ZNF804B: variants seen among roughly 807,000 people sequenced by gnomAD.
ZNF804B encodes the protein zinc finger protein 804B.
In ZNF804B, 80 loss-of-function variants were observed where a neutral mutation model predicts 101.4. That is an observed-to-expected ratio of 0.79 (90% CI 0.66 to 0.95). The LOEUF is 0.95. Ranked by LOEUF, ZNF804B falls within the 40% of genes least tolerant of loss-of-function variation. ZNF804B has a pLI of 0.00. For missense variants in ZNF804B, 1,673 were observed against 1,561.9 expected, an observed-to-expected ratio of 1.07 and a Z score of -1.20; for synonymous variants, 622 against 558.8, an observed-to-expected ratio of 1.11 and a Z score of -1.59.
At chr7:89,299,020 C>T (rs1195590266) in intron 2 of ZNF804B, among the ~76,000 whole-genome samples, 1 of 151,920 alleles carries the variant, frequency 6.6e-6, no homozygotes, top group Non-Finnish European at 1.5e-5. Context: ...TTCTCAGATA[C>T]CACACCTACT....
intron 2 of ZNF804B, among the ~76,000 whole-genome samples, chr7:89,239,175 G>A (rs1009949779): frequency 6.6e-6 from 1 of 152,082 alleles, no homozygotes; most frequent in Non-Finnish European, 1.5e-5. Context: ...TGAAACTGTA[G>A]GCATGATAAG....
chr7:89,304,302 T>A (rs984997434), intron 2 of ZNF804B, among the ~76,000 whole-genome samples: 3 of 151,852 alleles, frequency 2.0e-5, no homozygotes, highest in Non-Finnish European at 2.9e-5. Context: ...TCCTCCAGTA[T>A]TTTTCCATTA....
intron 1 of ZNF804B, among the ~76,000 whole-genome samples, chr7:88,950,757 A>T (rs1190532726): frequency 6.6e-6 from 1 of 151,868 alleles, no homozygotes; most frequent in African/African-American, 2.4e-5. Flanking sequence ...TAGATTATGT[A>T]TATAAAATCC....
chr7:89,328,462 G>A (rs1374121705), intron 3 of ZNF804B, among the ~76,000 whole-genome samples: 1 of 151,840 alleles, frequency 6.6e-6, no homozygotes, highest in Non-Finnish European at 1.5e-5. Context: ...GGTACAACAT[G>A]TAGCCAGAAG....
intron 1 of ZNF804B, among the ~76,000 whole-genome samples, chr7:88,823,012 C>T (rs769150597): frequency 6.6e-6 from 1 of 152,056 alleles, no homozygotes; most frequent in East Asian, 1.9e-4. Flanking sequence ...AGTTCAAGAC[C>T]AGCCTGGCCA....
At chr7:88,849,449 A>G (rs1240363666) in intron 1 of ZNF804B, among the ~76,000 whole-genome samples, 1 of 151,882 alleles carries the variant, frequency 6.6e-6, no homozygotes, top group Non-Finnish European at 1.5e-5. Context: ...GAGTAACAAG[A>G]TATGAATAAC....
In ZNF804B at chr7:89,336,561, A is replaced by G. The variant is rs754209568; in HGVS notation, c.3579A>G (p.Ser1193=). The G allele has an allele frequency of 1.2e-6, 2 of 1,614,078 alleles. No individual in the cohort carries two copies. The highest frequency in any genetic ancestry group is 1.1e-5 in the South Asian group (1 of 91,076). The change falls in exon 4 of 4, where the codon TCA becomes TCG. Residue 1193 remains serine (S), a synonymous_variant. Coordinates refer to ENST00000333190, the MANE Select transcript of ZNF804B (RefSeq NM_181646.5). The stretch of plus-strand genomic sequence containing the variant: ...GGCCTACTGCCTTCTCTCCGGCCTC[A>G]ACCGTACAGACAGTTCCAGTTCACC... ...AAGPTAFSPA[S]TVQTVPVHQH...
At chr7:89,092,440 T>A (rs1159170656) in intron 1 of ZNF804B, among the ~76,000 whole-genome samples, 1 of 113,756 alleles carries the variant, frequency 8.8e-6, no homozygotes, top group Non-Finnish European at 1.7e-5. Context: ...TGAGATGGAG[T>A]CTCACTCTCT....
intron 1 of ZNF804B, among the ~76,000 whole-genome samples, chr7:88,874,244 A>T (rs1233264565): frequency 1.3e-5 from 2 of 152,020 alleles, no homozygotes; most frequent in African/African-American, 4.8e-5. Flanking sequence ...TGTGAATGGG[A>T]GTTCACTCAT....
chr7:89,336,817 T>C lies in ZNF804B; in HGVS notation c.3835T>C (p.Ser1279Pro). Residue 1279 changes from serine (S) to proline (P), a missense_variant, in exon 4 of 4, where the codon TCT (serine) becomes CCT (proline). By Grantham distance (74) the Ser-to-Pro change is moderately conservative (BLOSUM62 -1). Coordinates refer to ENST00000333190, the MANE Select transcript of ZNF804B (RefSeq NM_181646.5). ...HLVAATPFHP[S>P]HITLQPLPPT... ...AGTAGCTGCTACCCCCTTCCACCCA[T>C]CTCACATAACACTTCAGCCTCTGCC... 6.2e-7 allele frequency: 1 copy of C among 1,614,054 alleles called. No individual in the cohort carries two copies. The highest frequency in any genetic ancestry group is 8.5e-7 in the Non-Finnish European group (1 of 1,179,990).
intron 1 of ZNF804B, among the ~76,000 whole-genome samples, chr7:89,137,052 TA>T (rs979034760): frequency 6.6e-6 from 1 of 152,028 alleles, no homozygotes; most frequent in African/African-American, 2.4e-5. Flanking sequence ...CATGGAACTA[TA>T]AGTCCAATTA....
chr7:88,896,136 T>C (rs1792279997), intron 1 of ZNF804B, among the ~76,000 whole-genome samples: 1 of 152,196 alleles, frequency 6.6e-6, no homozygotes, highest in South Asian at 2.1e-4. Flanking sequence ...CTGAGAATGA[T>C]TATCTCTCTG....
intron 1 of ZNF804B, among the ~76,000 whole-genome samples, chr7:89,171,285 G>GCTGCTT (rs1475416608): frequency 1.5e-5 from 1 of 64,638 alleles, no homozygotes; most frequent in Non-Finnish European, 3.8e-5. Context: ...TAATGCTGCT[G>GCTGCTT]CTGCTTCTTC....
At chr7:89,058,521 T>C (rs1789330102) in intron 1 of ZNF804B, among the ~76,000 whole-genome samples, 1 of 152,136 alleles carries the variant, frequency 6.6e-6, no homozygotes, top group Admixed American at 6.6e-5. Flanking sequence ...AAACACTCTG[T>C]TTTTATTTAG....
intron 1 of ZNF804B, among the ~76,000 whole-genome samples, chr7:88,990,378 A>G (rs1793828043): frequency 6.6e-6 from 1 of 152,104 alleles, no homozygotes; most frequent in Non-Finnish European, 1.5e-5. Context: ...AGATACACAC[A>G]CATACTTTCT....
chr7:89,193,775 G>C (rs918583938), intron 1 of ZNF804B, among the ~76,000 whole-genome samples: 2 of 151,818 alleles, frequency 1.3e-5, no homozygotes, highest in Non-Finnish European at 2.9e-5. Context: ...ATAAACATAC[G>C]TGTGCATGTG....
At chr7:89,286,635 A>T (rs1279196814) in intron 2 of ZNF804B, among the ~76,000 whole-genome samples, 1 of 152,194 alleles carries the variant, frequency 6.6e-6, no homozygotes, top group Non-Finnish European at 1.5e-5. Flanking sequence ...CAACTTGCTG[A>T]AGATGAATGC....
Position 89,336,576 on chromosome 7 carries a change from TC to T in ZNF804B, c.3596del (p.Pro1199GlnfsTer25). 6.2e-7 allele frequency: 1 copy of T among 1,614,102 alleles called. No individual in the cohort carries two copies. The highest frequency in any genetic ancestry group is 8.5e-7 in the Non-Finnish European group (1 of 1,179,996). On this transcript the variant is annotated frameshift_variant, in exon 4 of 4. Transcript: ENST00000333190. LOFTEE classifies it high-confidence loss of function. ...CTCCGGCCTCAACCGTACAGACAGT[TC>T]CAGTTCACCAGCACACTTCTATCAC... Reference protein sequence around the residue: ...FSPASTVQTVPVHQHTSITTI... With the variant: ...FSPASTVQTVXVHQHTSITTI...
At chr7:89,013,841 G>T (rs1298528046) in intron 1 of ZNF804B, among the ~76,000 whole-genome samples, 2 of 151,738 alleles carry the variant, frequency 1.3e-5, no homozygotes, top group African/African-American at 4.8e-5. Context: ...ACTCTTTTAG[G>T]TTCCACATAT....
Sources: allele counts gnomAD v4.1 joint callset (sites outside exome capture counted in the v4.1 genomes callset), GRCh38; gene constraint gnomAD v4.1.1; transcripts MANE v1.5; gene names NCBI Gene and HGNC (gene_info 2026-07-23, HGNC 2026-07-21).